Variants in PTPRK observed in about 807,000 individuals in gnomAD.
PTPRK encodes receptor-type tyrosine-protein phosphatase kappa.
Under a neutral mutation model 178.0 loss-of-function variants are expected in PTPRK, and 75 were observed. The ratio of observed to expected loss-of-function variants is 0.42; its 90% CI spans 0.35 to 0.51. The LOEUF is 0.51. PTPRK is among the 20% of genes least tolerant of loss of function. The probability of loss-of-function intolerance (pLI) is 0.02; values close to 1 mark genes in which losing one functional copy is unlikely to be tolerated. For synonymous variants in PTPRK, 637 were observed against 620.6 expected (o/e 1.03, Z -0.39); for missense variants, 1,441 against 1,797.8 (o/e 0.80, Z 3.59).
rs568315156 is a variant in PTPRK, at chr6:128,161,382, C to G, written c.1162+23050G>C. 2.6e-5 allele frequency among the ~76,000 whole-genome samples: 4 copies of G among 151,596 alleles called. 1 individual carries two copies. The South Asian group carries it at 8.3e-4, about 31-fold the overall frequency. ...CTTCATCACCCACAGGCCAAAATTA[C>G]CAGACTCCAATTACTTTGCTTCCTA... On this transcript the variant is annotated intron_variant, in intron 7 of 29. Transcript: ENST00000368226.
At chr6:128,328,117 A>G (rs540741450) in intron 2 of PTPRK, among the ~76,000 whole-genome samples, 9 of 152,326 alleles carry the variant, frequency 5.9e-5, no homozygotes, top group Non-Finnish European at 1.2e-4. Context: ...ACCACCAACT[A>G]AAAACAAACT....
At chr6:128,129,431 A>G (rs1185116059) in intron 7 of PTPRK, among the ~76,000 whole-genome samples, 1 of 152,136 alleles carries the variant, frequency 6.6e-6, no homozygotes, top group East Asian at 1.9e-4. Flanking sequence ...TAGAACACCC[A>G]TTAGCTTTGA....
intron 5 of PTPRK, among the ~76,000 whole-genome samples, chr6:128,231,349 T>C (rs1812268034): frequency 6.6e-6 from 1 of 152,146 alleles, no homozygotes; most frequent in African/African-American, 2.4e-5. Flanking sequence ...TGTAAACCAG[T>C]GTATACATGG....
At chr6:128,260,393 C>T (rs115348154) in intron 3 of PTPRK, among the ~76,000 whole-genome samples, 3 of 152,056 alleles carry the variant, frequency 2.0e-5, no homozygotes, top group Admixed American at 6.6e-5. Context: ...ACGGCATTAA[C>T]CCTGAGGATG....
At chr6:128,435,577 A>T (rs1845483132) in intron 1 of PTPRK, among the ~76,000 whole-genome samples, 1 of 152,224 alleles carries the variant, frequency 6.6e-6, no homozygotes, top group Non-Finnish European at 1.5e-5. Flanking sequence ...GGGTCAGCTG[A>T]TGAAAGGAGA....
chr6:128,493,327 C>T (rs532283550), intron 1 of PTPRK, among the ~76,000 whole-genome samples: 1 of 152,116 alleles, frequency 6.6e-6, no homozygotes, highest in Non-Finnish European at 1.5e-5. Context: ...CTTTGGGAGG[C>T]CAAGGTGGGC....
chr6:128,162,602 A>G (rs1798856449), intron 7 of PTPRK, among the ~76,000 whole-genome samples: 2 of 151,772 alleles, frequency 1.3e-5, no homozygotes, highest in Admixed American at 1.3e-4. Flanking sequence ...CTTAAGAATG[A>G]GTCACATACT....
At chr6:128,305,620 T>G (rs1403028433) in intron 3 of PTPRK, among the ~76,000 whole-genome samples, 1 of 152,168 alleles carries the variant, frequency 6.6e-6, no homozygotes, top group African/African-American at 2.4e-5. Flanking sequence ...AGAAAGGCTA[T>G]CCATGCAGGT....
chr6:128,066,900 G>A (rs1781873453), intron 12 of PTPRK, among the ~76,000 whole-genome samples: 1 of 152,082 alleles, frequency 6.6e-6, no homozygotes, highest in South Asian at 2.1e-4. Flanking sequence ...AAACAACTGT[G>A]TCCAAAATGG....
At chr6:128,436,003 T>A (rs55642048) in intron 1 of PTPRK, among the ~76,000 whole-genome samples, 10,522 of 110,554 alleles carry the variant, frequency 0.095, 423 homozygotes, top group African/African-American at 0.14. Flanking sequence ...AAAAAAAATA[T>A]ATATATATAT....
At chr6:128,176,442 G>T (rs990813434) in intron 7 of PTPRK, among the ~76,000 whole-genome samples, 1 of 151,756 alleles carries the variant, frequency 6.6e-6, no homozygotes, top group African/African-American at 2.4e-5. Context: ...ATTTGGCTGA[G>T]ACAATTAAAA....
In PTPRK at chr6:128,146,560, C is replaced by G. The variant is rs141046448; in HGVS notation, c.1162+37872G>C. Reference sequence around the variant, plus strand: ...CTGGGTTCAAGCGATTCTCCTGCCTCAGCCTTCCGAGTAGCTGGGATTTCA... The same window carrying G: ...CTGGGTTCAAGCGATTCTCCTGCCTGAGCCTTCCGAGTAGCTGGGATTTCA... On this transcript the variant is annotated intron_variant, in intron 7 of 29. Coordinates refer to ENST00000368226, the MANE Select transcript of PTPRK (RefSeq NM_002844.4). Among the ~76,000 whole-genome samples the G allele has an allele frequency of 5.7e-3, 873 of 151,852 alleles. 7 individuals are homozygous for G. The highest frequency in any genetic ancestry group is 0.02 in the African/African-American group (836 of 41,394).
rs188570738 is a variant in PTPRK at position 128,112,302 on chromosome 6, A to C, written c.1163-22310T>G. Among the ~76,000 whole-genome samples, 645 of 152,252 alleles carry C rather than the reference A, an allele frequency of 4.2e-3. 6 individuals carry two copies. The highest frequency in any genetic ancestry group is 7.7e-3 in the Non-Finnish European group (523 of 67,980). On this transcript the variant is annotated intron_variant, in intron 7 of 29. Coordinates refer to ENST00000368226, the MANE Select transcript of PTPRK (RefSeq NM_002844.4). Reference sequence around the variant, plus strand: ...AAGAGAATGGAAAATATAGGTAAAAATATGTAAAAACTGCATGCATGGCTA... The same window carrying C: ...AAGAGAATGGAAAATATAGGTAAAACTATGTAAAAACTGCATGCATGGCTA...
chr6:128,094,690 T>A (rs1344778709), intron 7 of PTPRK, among the ~76,000 whole-genome samples: 1 of 152,162 alleles, frequency 6.6e-6, no homozygotes, highest in Non-Finnish European at 1.5e-5. Context: ...ATACGAGCAA[T>A]ACTTGAACTG....
At chr6:128,012,382 C>T (rs1467413182) in intron 13 of PTPRK, among the ~76,000 whole-genome samples, 2 of 151,260 alleles carry the variant, frequency 1.3e-5, no homozygotes, top group African/African-American at 4.8e-5. Flanking sequence ...CAGCATTTTC[C>T]ATTTTCTTCA....
intron 3 of PTPRK, among the ~76,000 whole-genome samples, chr6:128,312,768 G>A (rs1349440898): frequency 2.2e-5 from 3 of 137,942 alleles, no homozygotes; most frequent in African/African-American, 8.1e-5. Flanking sequence ...TTTTTTTTTT[G>A]CTGGTTTTGT....
chr6:128,179,889 A>G (rs770605109), intron 7 of PTPRK, among the ~76,000 whole-genome samples: 13 of 152,070 alleles, frequency 8.5e-5, no homozygotes, highest in Non-Finnish European at 1.9e-4. Context: ...GACAAGAAAA[A>G]AAATGCATTT....
intron 7 of PTPRK, among the ~76,000 whole-genome samples, chr6:128,146,195 A>C (rs1416440078): frequency 6.6e-6 from 1 of 152,190 alleles, no homozygotes; most frequent in African/African-American, 2.4e-5. Flanking sequence ...GGCTAGTGAC[A>C]TTGATATTTG....
chr6:128,296,613 T>C lies in PTPRK; in HGVS notation c.495+25426A>G, dbSNP rs577535348. 1.9e-3 allele frequency among the ~76,000 whole-genome samples: 284 copies of C among 152,136 alleles called. 1 individual carries two copies. Among genetic ancestry groups the C allele is most frequent in the African/African-American group, 6.2e-3 (259 of 41,518 alleles). ...GAATTTTCAACCCAGAATTTCATATTCAGCCAAACTAAGCTTCATAAGTGA... is the reference window on the plus strand; with the variant it reads ...GAATTTTCAACCCAGAATTTCATATCCAGCCAAACTAAGCTTCATAAGTGA... On this transcript the variant is annotated intron_variant, in intron 3 of 29. Coordinates refer to ENST00000368226, the MANE Select transcript of PTPRK (RefSeq NM_002844.4).
Sources: gnomAD v4.1 joint callset for allele counts (sites outside exome capture counted in the v4.1 genomes callset) on GRCh38, gnomAD v4.1.1 for gene constraint, MANE v1.5 for transcripts, NCBI Gene and HGNC (gene_info 2026-07-23, HGNC 2026-07-21) for gene names.